Variants in CALCA observed in about 807,000 individuals in gnomAD.
The protein encoded by CALCA is calcitonin related polypeptide alpha.
CALCA carries 4 observed loss-of-function variants against 6.9 expected under a neutral mutation model. The ratio of observed to expected loss-of-function variants is 0.58; its 90% CI spans 0.29 to 1.33. The LOEUF is 1.33. Among genes scored for constraint, CALCA ranks in the 40% most tolerant of loss-of-function variants. The probability of loss-of-function intolerance (pLI) is 0.09; values close to 1 mark genes in which losing one functional copy is unlikely to be tolerated. For synonymous variants in CALCA, 78 were observed against 70.0 expected, an observed-to-expected ratio of 1.11 and a Z score of -0.57; for missense variants, 174 against 178.3, an observed-to-expected ratio of 0.98 and a Z score of 0.14.
intron 2 of CALCA, 137 bp downstream of exon 2, chr11:14,970,970 A>G (rs1351056837): frequency 1.4e-5 from 10 of 692,964 alleles, no homozygotes; most frequent in African/African-American, 3.6e-5. Flanking sequence ...ACACATTTTT[A>G]TATCAAAAAA....
intron 2 of CALCA, among the ~76,000 whole-genome samples, chr11:14,970,538 A>C (rs1849577134): frequency 6.6e-6 from 1 of 152,204 alleles, no homozygotes; most frequent in African/African-American, 2.4e-5. Flanking sequence ...GATAAATAGG[A>C]TGGCTACACA....
chr11:14,970,039 C>G lies in CALCA; in HGVS notation c.123G>C (p.Thr41=), dbSNP rs143847934. Residue 41 remains threonine, a synonymous_variant, in exon 3 of 4, where the codon ACG becomes ACC. Transcript: ENST00000331587. The part of the protein sequence containing the change: ...ALESSPADPA[T]LSEDEARLLL... The stretch of plus-strand genomic sequence containing the variant: ...GGAGGCGCGCTTCGTCCTCACTGAG[C>G]GTGGCCGGGTCTGCTGGGCTGCTCT... 156 of 1,614,122 alleles carry G rather than the reference C, an allele frequency of 9.7e-5. No individual in the cohort carries two copies. Among genetic ancestry groups the G allele is most frequent in the Non-Finnish European group, 1.3e-4 (149 of 1,180,050 alleles).
At position 14,970,551 on chromosome 11, in the gene CALCA, C is replaced by T. The variant is rs373098252; in HGVS notation, c.87-476G>A. 1.6e-4 allele frequency among the ~76,000 whole-genome samples: 24 copies of T among 152,176 alleles called. No individual in the cohort carries two copies. The South Asian group carries it at 5.0e-3, about 32-fold the overall frequency. On this transcript the variant is annotated intron_variant, in intron 2 of 3. Coordinates refer to ENST00000331587, the MANE Select transcript of CALCA (RefSeq NM_001741.3). ...AGGATAAATAGGATGGCTACACATA[C>T]AAAAGTTTGGCTAAAAGCAACAAAA...
chr11:14,970,048 G>T lies in CALCA; in HGVS notation c.114C>A (p.Asp38Glu), dbSNP rs1849561731. The T allele has an allele frequency of 6.2e-7, 1 of 1,614,246 alleles. No individual in the cohort carries two copies. Among genetic ancestry groups the T allele is most frequent in the Non-Finnish European group, 8.5e-7 (1 of 1,180,044 alleles). Reference sequence around the variant, plus strand: ...CTTCGTCCTCACTGAGCGTGGCCGGGTCTGCTGGGCTGCTCTCCAGGGCAG... The same window carrying T: ...CTTCGTCCTCACTGAGCGTGGCCGGTTCTGCTGGGCTGCTCTCCAGGGCAG... ...FRSALESSPADPATLSEDEAR... is the reference protein window; with the variant it reads ...FRSALESSPAEPATLSEDEAR... The change falls in exon 3 of 4, where the codon GAC (aspartate) becomes GAA (glutamate). Residue 38 changes from aspartate to glutamate, a missense_variant. By Grantham distance (45) the Asp-to-Glu change is conservative. Transcript: ENST00000331587.
downstream of CALCA, chr11:14,967,033 G>A (rs1555025476): frequency 6.5e-6 from 1 of 152,980 alleles, no homozygotes; most frequent in African/African-American, 2.4e-5. Flanking sequence ...CTATATGTAT[G>A]TCTTCCATGG....
intron 3 of CALCA, among the ~76,000 whole-genome samples, chr11:14,969,408 G>A (rs1177639501): frequency 6.6e-6 from 1 of 152,086 alleles, no homozygotes; most frequent in Non-Finnish European, 1.5e-5. Context: ...CATCTCCACA[G>A]ATGCCACACA....
Position 14,969,985 on chromosome 11 carries a change from C to A in CALCA, c.177G>T (p.Val59=), listed in dbSNP as rs5240. ...LLLAALVQDY[V]QMKASELEQE... Reference sequence around the variant, plus strand: ...GCTCCAGCTCACTGGCCTTCATCTGCACATAGTCCTGCACCAGTGCAGCCA... The same window carrying A: ...GCTCCAGCTCACTGGCCTTCATCTGAACATAGTCCTGCACCAGTGCAGCCA... Residue 59 remains valine, a synonymous_variant, in exon 3 of 4, where the codon GTG becomes GTT. Transcript: ENST00000331587. 7 of 1,614,060 alleles carry A rather than the reference C, an allele frequency of 4.3e-6. No homozygotes were observed. The highest frequency in any genetic ancestry group is 1.7e-4 in the Middle Eastern group (1 of 5,912).
At chr11:14,970,759 G>A (rs1555026332) in intron 2 of CALCA, among the ~76,000 whole-genome samples, 1 of 152,082 alleles carries the variant, frequency 6.6e-6, no homozygotes, top group African/African-American at 2.4e-5. Flanking sequence ...AATTAGCCGG[G>A]CATGGTGGTG....
At position 14,968,639 on chromosome 11, in the gene CALCA, G is replaced by T; in HGVS notation, c.*160C>A. 1.9e-6 allele frequency: 3 copies of T among 1,578,362 alleles called. No homozygotes were observed. The Admixed American group carries it at 5.4e-5, about 28-fold the overall frequency. On this transcript the variant is annotated 3_prime_UTR_variant, in exon 4 of 4. Transcript: ENST00000331587. ...CCCAGGTGATTCTCTTCCAACCTGT[G>T]AGTCCTGCTCTCTTTCCTCCCATCT... is the stretch of plus-strand genomic sequence containing the variant.
At chr11:14,971,291 G>A (rs952250169) in intron 1 of CALCA, 90 bp from the exon 2 acceptor site, 5 of 845,490 alleles carry the variant, frequency 5.9e-6, no homozygotes, top group Non-Finnish European at 1.0e-5. Flanking sequence ...TTTCTGTCTT[G>A]CTTCTAACGC....
At chr11:14,966,769 A>G (rs1449880913), downstream of CALCA, 1 of 152,650 alleles carries the variant, frequency 6.6e-6, no homozygotes, top group African/African-American at 2.4e-5. Flanking sequence ...CAGCATTACC[A>G]TGTGTCCCCA....
At chr11:14,967,152 A>G (rs2133578037), downstream of CALCA, 1 of 157,930 alleles carries the variant, frequency 6.3e-6, no homozygotes, top group East Asian at 1.9e-4. Flanking sequence ...TAATTGTCAG[A>G]CTTAACATCT....
chr11:14,968,683 T>C lies in CALCA; in HGVS notation c.*116A>G. 1.2e-6 allele frequency: 2 copies of C among 1,609,998 alleles called. No homozygotes were observed. The highest frequency in any genetic ancestry group is 1.7e-6 in the Non-Finnish European group (2 of 1,178,402). On this transcript the variant is annotated 3_prime_UTR_variant, in exon 4 of 4. Coordinates refer to ENST00000331587, the MANE Select transcript of CALCA (RefSeq NM_001741.3). ...CCCATCTGAAGTTTGAGACATCCTCTGCCACAAGGAAAGCCACCAATACCA... is the reference window on the plus strand; with the variant it reads ...CCCATCTGAAGTTTGAGACATCCTCCGCCACAAGGAAAGCCACCAATACCA...
At chr11:14,972,206 G>T in intron 1 of CALCA, 39 bp downstream of exon 1, 1 of 153,468 alleles carries the variant, frequency 6.5e-6, no homozygotes, top group South Asian at 1.8e-4. Flanking sequence ...GGGAGAGGGA[G>T]GGAGAGACAT....
Position 14,970,049 on chromosome 11 carries a change from T to TC in CALCA, c.112dup (p.Asp38GlyfsTer7). On this transcript the variant is annotated frameshift_variant, in exon 3 of 4. Coordinates refer to ENST00000331587, the MANE Select transcript of CALCA (RefSeq NM_001741.3). LOFTEE classifies it high-confidence loss of function. ...TTCGTCCTCACTGAGCGTGGCCGGG[T>TC]CTGCTGGGCTGCTCTCCAGGGCAGA... 6.2e-7 allele frequency: 1 copy of TC among 1,614,178 alleles called. No individual in the cohort carries two copies. The highest frequency in any genetic ancestry group is 8.5e-7 in the Non-Finnish European group (1 of 1,180,030).
chr11:14,971,020 T>C, intron 2 of CALCA, 87 bp downstream of exon 2: 1 of 1,063,002 alleles, frequency 9.4e-7, no homozygotes, highest in Non-Finnish European at 1.5e-6. Flanking sequence ...CCCGGCCCCC[T>C]GTCGGTTTTT....
chr11:14,971,227 A>G, intron 1 of CALCA, 26 bp from the exon 2 acceptor site: 1 of 1,537,582 alleles, frequency 6.5e-7, no homozygotes, highest in Non-Finnish European at 9.0e-7. Context: ...GAGATAAACC[A>G]CCTGCGCCAG....
chr11:14,967,031 A>G (rs2133577883), downstream of CALCA: 1 of 153,090 alleles, frequency 6.5e-6, no homozygotes. Flanking sequence ...GCCTATATGT[A>G]TGTCTTCCAT....
At chr11:14,967,696 C>G (rs1555025613), downstream of CALCA, 1 of 1,614,058 alleles carries the variant, frequency 6.2e-7, no homozygotes, top group East Asian at 2.2e-5. Context: ...TTCAGCTGCT[C>G]AGGCTTGAAG....
Sources: gnomAD v4.1 joint callset for allele counts (sites outside exome capture counted in the v4.1 genomes callset) on GRCh38, gnomAD v4.1.1 for gene constraint, MANE v1.5 for transcripts, NCBI Gene and HGNC (gene_info 2026-07-23, HGNC 2026-07-21) for gene names.